Variants in SH3PXD2A observed in about 807,000 individuals in gnomAD.
The protein encoded by SH3PXD2A is SH3 and PX domains 2A, also known as SH3 and PX domain-containing protein 2A.
SH3PXD2A carries 32 observed loss-of-function variants against 115.2 expected under a neutral mutation model. That is an observed-to-expected ratio of 0.28 (90% CI 0.21 to 0.37). The LOEUF is 0.37. Among genes scored for constraint, SH3PXD2A ranks in the 10% least tolerant of loss-of-function variants. The probability of loss-of-function intolerance (pLI) is 1.00; values close to 1 mark genes in which losing one functional copy is unlikely to be tolerated. For synonymous variants in SH3PXD2A, 610 were observed against 629.1 expected (o/e 0.97, Z 0.45); for missense variants, 1,328 against 1,498.7 (o/e 0.89, Z 1.88).
At chr10:103,723,826 T>C (rs1003974531) in intron 5 of SH3PXD2A, among the ~76,000 whole-genome samples, 7 of 152,234 alleles carry the variant, frequency 4.6e-5, no homozygotes, top group African/African-American at 1.7e-4. Context: ...AAATCTGTTG[T>C]AGCAGCCCAG....
At chr10:103,807,479 T>A (rs1035542479) in intron 1 of SH3PXD2A, among the ~76,000 whole-genome samples, 1 of 152,220 alleles carries the variant, frequency 6.6e-6, no homozygotes, top group African/African-American at 2.4e-5. Flanking sequence ...CTTCCTTCAC[T>A]TGCTCACATG....
intron 13 of SH3PXD2A, among the ~76,000 whole-genome samples, chr10:103,606,174 T>C (rs1249793988): frequency 8.2e-6 from 1 of 122,576 alleles, no homozygotes; most frequent in Non-Finnish European, 1.7e-5. Context: ...ACATTACTAT[T>C]ACTATCATCA....
At position 103,848,231 on chromosome 10, in the gene SH3PXD2A, A is replaced by T. The variant is rs566902601; in HGVS notation, c.72+6964T>A. Among the ~76,000 whole-genome samples, 49 of 147,426 alleles carry T rather than the reference A, an allele frequency of 3.3e-4. No homozygotes were observed. The East Asian group carries it at 9.5e-3, about 29-fold the overall frequency. On this transcript the variant is annotated intron_variant, in intron 1 of 14. Coordinates refer to ENST00000369774, the MANE Select transcript of SH3PXD2A (RefSeq NM_001394015.1). Reference sequence around the variant, plus strand: ...CCTCTCCTCCTCCTCCTCCTCCTCAACCCTTCCTCCCCAGGAGCCTGGGTG... The same window carrying T: ...CCTCTCCTCCTCCTCCTCCTCCTCATCCCTTCCTCCCCAGGAGCCTGGGTG...
chr10:103,735,913 C>T, intron 3 of SH3PXD2A, 105 bp from the exon 4 acceptor site: 4 of 858,868 alleles, frequency 4.7e-6, no homozygotes, highest in South Asian at 4.0e-5. Flanking sequence ...CCAGCACTAC[C>T]TGCCACCACC....
chr10:103,676,132 G>C (rs977482516), intron 6 of SH3PXD2A, among the ~76,000 whole-genome samples: 3 of 149,782 alleles, frequency 2.0e-5, no homozygotes, highest in Non-Finnish European at 4.5e-5. Context: ...GGCTGGCCAG[G>C]AATTGGGAAC....
intron 1 of SH3PXD2A, among the ~76,000 whole-genome samples, chr10:103,813,472 A>G (rs2039292502): frequency 6.6e-6 from 1 of 151,952 alleles, no homozygotes; most frequent in Non-Finnish European, 1.5e-5. Context: ...ATGTGCCACC[A>G]TGCTTGGATA....
intron 8 of SH3PXD2A, among the ~76,000 whole-genome samples, chr10:103,658,949 C>T (rs775313965): frequency 2.6e-5 from 4 of 152,228 alleles, no homozygotes; most frequent in Non-Finnish European, 4.4e-5. Context: ...AGGTAGAATG[C>T]GGCTTCTAAG....
intron 1 of SH3PXD2A, among the ~76,000 whole-genome samples, chr10:103,838,926 C>T (rs1306789642): frequency 6.6e-6 from 1 of 152,126 alleles, no homozygotes; most frequent in Non-Finnish European, 1.5e-5. Flanking sequence ...TTTCCCAGAG[C>T]ACAGAGCCAG....
chr10:103,713,499 C>T (rs7922920), intron 5 of SH3PXD2A, among the ~76,000 whole-genome samples: 1 of 152,192 alleles, frequency 6.6e-6, no homozygotes, highest in East Asian at 1.9e-4. Flanking sequence ...CTTACTCTCA[C>T]GGAAGATGAA....
intron 2 of SH3PXD2A, among the ~76,000 whole-genome samples, chr10:103,774,699 C>T (rs1010454872): frequency 6.6e-6 from 1 of 152,168 alleles, no homozygotes; most frequent in Non-Finnish European, 1.5e-5. Flanking sequence ...TGGTTAATCA[C>T]CTCAAACTTA....
rs370959495 is a variant in SH3PXD2A, at chr10:103,603,601, C to T, written c.1617G>A (p.Thr539=). Residue 539 remains threonine, a synonymous_variant, in exon 15 of 15, where the codon ACG becomes ACA. Coordinates refer to ENST00000369774, the MANE Select transcript of SH3PXD2A (RefSeq NM_001394015.1). The part of the protein sequence containing the change: ...SKPKEAEEGP[T]GASESQDSPR... ...GGGAGTCCTGGCTCTCACTGGCCCC[C>T]GTAGGGCCCTCCTCGGCCTCCTTGG... 3.1e-5 allele frequency: 49 copies of T among 1,606,058 alleles called. No individual in the cohort carries two copies. The highest frequency in any genetic ancestry group is 1.7e-4 in the Middle Eastern group (1 of 6,032).
chr10:103,696,473 TC>T, intron 5 of SH3PXD2A, among the ~76,000 whole-genome samples: 1 of 152,050 alleles, frequency 6.6e-6, no homozygotes, highest in East Asian at 1.9e-4. Context: ...GGGGCTCAGT[TC>T]CCTAACAACT....
In SH3PXD2A at chr10:103,627,025, A is replaced by G. The variant is rs1294274114; in HGVS notation, c.718+64T>C. ...TAGGGGTTCTGTTGGTTCTAGGGAA[A>G]GAGTGAGAGAGCTGCCTCCAGAGGC... On this transcript the variant is annotated intron_variant, in intron 9 of 14. Coordinates refer to ENST00000369774, the MANE Select transcript of SH3PXD2A (RefSeq NM_001394015.1). This position sits in a 1 kb window ranked among gnomAD's most constrained non-coding sequence, Gnocchi z 4.4. 1 of 867,488 alleles carries G rather than the reference A, an allele frequency of 1.2e-6. No individual in the cohort carries two copies. The highest frequency in any genetic ancestry group is 1.8e-5 in the Admixed American group (1 of 56,820). 53.7% of individuals were successfully genotyped at this position (867,488 alleles called of 1,614,324 possible).
At chr10:103,708,238 A>C (rs2038004385) in intron 5 of SH3PXD2A, among the ~76,000 whole-genome samples, 1 of 151,544 alleles carries the variant, frequency 6.6e-6, no homozygotes, top group Non-Finnish European at 1.5e-5. Context: ...CTGTCTCCAC[A>C]CTCGTTACAG....
rs201084536 is a variant in SH3PXD2A at position 103,668,585 on chromosome 10, C to T, written c.472+23G>A. On this transcript the variant is annotated intron_variant, in intron 7 of 14. Transcript: ENST00000369774. ...GACCTGGAACACACATGCTCACACA[C>T]ATGCATGCACGCTGGGCAGTACCTG... is the stretch of plus-strand genomic sequence containing the variant. 2.5e-5 allele frequency: 38 copies of T among 1,547,912 alleles called. 1 individual carries two copies. The East Asian group carries it at 9.0e-4, about 37-fold the overall frequency.
intron 7 of SH3PXD2A, among the ~76,000 whole-genome samples, chr10:103,662,157 C>G (rs1396435659): frequency 2.6e-5 from 4 of 152,094 alleles, no homozygotes; most frequent in Non-Finnish European, 4.4e-5. Flanking sequence ...AGAGGGAGGG[C>G]AGGTGGACTC....
chr10:103,807,802 A>G (rs1186109616), intron 1 of SH3PXD2A, among the ~76,000 whole-genome samples: 2 of 152,128 alleles, frequency 1.3e-5, no homozygotes, highest in African/African-American at 2.4e-5. Context: ...GGATGCAGGG[A>G]TAGCTAACAT....
At chr10:103,660,849 C>T (rs1209604501) in intron 8 of SH3PXD2A, 134 bp downstream of exon 8, 27 of 994,316 alleles carry the variant, frequency 2.7e-5, no homozygotes, top group Non-Finnish European at 3.8e-5. Flanking sequence ...AAACTTCAGC[C>T]GCCTCGGCCC....
intron 7 of SH3PXD2A, among the ~76,000 whole-genome samples, chr10:103,664,596 G>T (rs1410220076): frequency 6.6e-6 from 1 of 152,092 alleles, no homozygotes; most frequent in Non-Finnish European, 1.5e-5. Flanking sequence ...CCTAGGGAAG[G>T]GCCCATTACA....
Sources: gnomAD v4.1 joint callset for allele counts (sites outside exome capture counted in the v4.1 genomes callset) on GRCh38, gnomAD v4.1.1 for gene constraint, Gnocchi (gnomAD v3.1) non-coding constraint, MANE v1.5 for transcripts, NCBI Gene and HGNC (gene_info 2026-07-23, HGNC 2026-07-21) for gene names.